Variants in RGS3 observed in about 807,000 individuals in gnomAD.
The protein encoded by RGS3 is regulator of G protein signaling 3.
Under a neutral mutation model 132.6 loss-of-function variants are expected in RGS3, and 80 were observed. The observed-to-expected ratio is 0.60, with a 90% confidence interval of 0.50 to 0.73. RGS3 has a LOEUF of 0.73. RGS3 is among the 30% of genes least tolerant of loss of function. The pLI is 0.00. For missense variants in RGS3, 1,382 were observed against 1,530.8 expected, an observed-to-expected ratio of 0.90 and a Z score of 1.62; for synonymous variants, 598 against 620.6, an observed-to-expected ratio of 0.96 and a Z score of 0.54.
intron 14 of RGS3, among the ~76,000 whole-genome samples, chr9:113,510,369 G>A (rs1398030741): frequency 6.6e-6 from 1 of 152,246 alleles, no homozygotes; most frequent in Non-Finnish European, 1.5e-5. Flanking sequence ...GCTAAGTAGG[G>A]ACTTCATTAG....
At chr9:113,502,413 C>T (rs754756283) in intron 10 of RGS3, among the ~76,000 whole-genome samples, 25 of 152,254 alleles carry the variant, frequency 1.6e-4, no homozygotes, top group Non-Finnish European at 1.8e-4. Context: ...CTTGACTCCT[C>T]TGACTGGCAG....
chr9:113,536,352 A>T (rs1419776763), intron 18 of RGS3: 8 of 378,882 alleles, frequency 2.1e-5, no homozygotes, highest in African/African-American at 1.8e-4. Context: ...GGATCAGAGA[A>T]GAGCGCTGTG....
At chr9:113,521,533 A>T (rs1162913994) in intron 16 of RGS3, among the ~76,000 whole-genome samples, 1 of 152,214 alleles carries the variant, frequency 6.6e-6, no homozygotes, top group Non-Finnish European at 1.5e-5. Context: ...TGCACATTGT[A>T]CTATTTTGAT....
At chr9:113,563,794 T>C (rs977430126) in intron 19 of RGS3, among the ~76,000 whole-genome samples, 70 of 152,290 alleles carry the variant, frequency 4.6e-4, no homozygotes, top group Non-Finnish European at 3.1e-4. Context: ...TGCTTGTGTA[T>C]GTGAGAGAGT....
At position 113,463,610 on chromosome 9, in the gene RGS3, C is replaced by T; in HGVS notation, c.415+1409C>T. On this transcript the variant is annotated intron_variant, in intron 3 of 24. Coordinates refer to ENST00000350696, the Ensembl canonical transcript of RGS3. This position sits in a 1 kb window ranked among gnomAD's most constrained non-coding sequence, Gnocchi z 4.6. ...CCTCCCCCACCCCGGCCCAGCTCTGCTCCGGCAGGTGGAACTCTCCCCATT... is the reference window on the plus strand; with the variant it reads ...CCTCCCCCACCCCGGCCCAGCTCTGTTCCGGCAGGTGGAACTCTCCCCATT... 8.8e-7 allele frequency: 1 copy of T among 1,131,304 alleles called. No individual in the cohort carries two copies. Among genetic ancestry groups the T allele is most frequent in the South Asian group, 1.9e-5 (1 of 51,538 alleles). The allele number at this position is 1,131,304 out of a possible 1,614,324, so 70.1% of individuals were successfully genotyped here. A position where few individuals can be genotyped will look rare whatever the true frequency, so the allele number is the denominator to read the frequency against.
rs1211026839 is a variant in RGS3 at position 113,451,682 on chromosome 9, GT to G, written c.-13+6767del. On this transcript the variant is annotated intron_variant, in intron 1 of 25. Transcript: ENST00000374140. Reference sequence around the variant, plus strand: ...TTACAGGATGCAGGGAGCTCTGGGTGTTTTTTTTTTTTAAGTCAATGGTTCC... The same window carrying G: ...TTACAGGATGCAGGGAGCTCTGGGTGTTTTTTTTTTTAAGTCAATGGTTCC... 1.7e-3 allele frequency among the ~76,000 whole-genome samples: 241 copies of G among 142,394 alleles called. 2 individuals carry two copies. The highest frequency in any genetic ancestry group is 4.1e-3 in the East Asian group (20 of 4,912). 93.4% of individuals were successfully genotyped at this position (142,394 alleles called of 152,430 possible). A position where few individuals can be genotyped will look rare whatever the true frequency, so the allele number is the denominator to read the frequency against.
At chr9:113,528,768 C>T (rs1456836948) in intron 17 of RGS3, among the ~76,000 whole-genome samples, 1 of 152,234 alleles carries the variant, frequency 6.6e-6, no homozygotes, top group African/African-American at 2.4e-5. Context: ...ACCTGCACAG[C>T]CCACCATTCC....
intron 13 of RGS3, among the ~76,000 whole-genome samples, chr9:113,508,192 C>A (rs540186508): frequency 1.3e-5 from 2 of 152,330 alleles, no homozygotes; most frequent in African/African-American, 4.8e-5. Context: ...AATAACACCG[C>A]ATTTCCCAAA....
chr9:113,501,493 A>G, intron 10 of RGS3: 1 of 1,516,792 alleles, frequency 6.6e-7, no homozygotes, highest in Non-Finnish European at 8.8e-7. Flanking sequence ...TGCTCATGCC[A>G]GGCTGACGGG....
At chr9:113,547,823 A>G (rs1420572068) in intron 19 of RGS3, among the ~76,000 whole-genome samples, 2 of 152,162 alleles carry the variant, frequency 1.3e-5, no homozygotes, top group Non-Finnish European at 2.9e-5. Context: ...TGCTGGGATA[A>G]CACTACCCAA....
At chr9:113,490,762 TTA>T (rs1226297324) in intron 7 of RGS3, among the ~76,000 whole-genome samples, 19 of 137,930 alleles carry the variant, frequency 1.4e-4, no homozygotes, top group Admixed American at 1.3e-3. Context: ...GTATATATAA[TTA>T]TATATATAAC....
At chr9:113,520,663 G>A (rs1240457390) in intron 16 of RGS3, among the ~76,000 whole-genome samples, 7 of 151,442 alleles carry the variant, frequency 4.6e-5, no homozygotes, top group African/African-American at 1.5e-4. Flanking sequence ...TTGAGTCAGC[G>A]ACACGTTTTG....
At chr9:113,583,798 C>T (rs765849881) in exon 20 of RGS3, 3 of 1,614,198 alleles carry the variant, frequency 1.9e-6, no homozygotes, top group Non-Finnish European at 2.5e-6. Context: ...GGACCCTCTA[C>T]TCACCAAAGA....
chr9:113,584,224 C>A (rs140611815), exon 20 of RGS3: 3 of 1,610,176 alleles, frequency 1.9e-6, no homozygotes, highest in East Asian at 2.2e-5. Flanking sequence ...GAACTCGCTG[C>A]GGCGCCGGAC....
At chr9:113,501,648 T>G (rs1383268514) in intron 10 of RGS3, 1 of 1,557,952 alleles carries the variant, frequency 6.4e-7, no homozygotes, top group South Asian at 1.2e-5. Context: ...CTTGGCCTCT[T>G]GTGGGGAGCC....
intron 3 of RGS3, among the ~76,000 whole-genome samples, chr9:113,466,592 C>G (rs1829652878): frequency 6.6e-6 from 1 of 152,052 alleles, no homozygotes; most frequent in Non-Finnish European, 1.5e-5. Context: ...CCCAACTACT[C>G]TAGAGGGATT....
chr9:113,503,095 T>A (rs931041424), intron 10 of RGS3, among the ~76,000 whole-genome samples: 1 of 152,072 alleles, frequency 6.6e-6, no homozygotes, highest in African/African-American at 2.4e-5. Flanking sequence ...GGGGCTGGCA[T>A]GGGTGAGACC....
chr9:113,596,926 C>T, exon 25 of RGS3: 1 of 1,611,224 alleles, frequency 6.2e-7, no homozygotes, highest in African/African-American at 1.3e-5. Context: ...ACCTTATTAA[C>T]CAGAAGAAGA....
At chr9:113,448,463 C>A (rs954429220) in intron 1 of RGS3, among the ~76,000 whole-genome samples, 1 of 152,058 alleles carries the variant, frequency 6.6e-6, no homozygotes, top group Admixed American at 6.5e-5. Context: ...TTCTTCTTCC[C>A]CCTTCTGCCT....
Sources: allele counts gnomAD v4.1 joint callset (sites outside exome capture counted in the v4.1 genomes callset), GRCh38; gene constraint gnomAD v4.1.1; non-coding constraint Gnocchi (gnomAD v3.1); transcripts MANE v1.5; gene names NCBI Gene and HGNC (gene_info 2026-07-23, HGNC 2026-07-21).